Variants in RARB observed in about 807,000 individuals in gnomAD.
RARB encodes retinoic acid receptor beta.
Under a neutral mutation model 51.9 loss-of-function variants are expected in RARB, and 17 were observed. The observed-to-expected ratio is 0.33, with a 90% confidence interval of 0.22 to 0.49. RARB has a LOEUF of 0.49. RARB is among the 20% of genes least tolerant of loss of function. The pLI is 0.99. For missense variants in RARB, 369 were observed against 550.8 expected (o/e 0.67, Z 3.30); for synonymous variants, 215 against 195.4 (o/e 1.10, Z -0.84).
intron 5 of RARB, among the ~76,000 whole-genome samples, chr3:25,397,663 C>A (rs6799176): frequency 0.14 from 20,752 of 152,102 alleles, 1,698 homozygotes; most frequent in African/African-American, 0.23. Flanking sequence ...TTGAGTATCC[C>A]TTCTGTTCCA....
chr3:25,316,174 G>C (rs918032254), intron 5 of RARB, among the ~76,000 whole-genome samples: 4 of 152,136 alleles, frequency 2.6e-5, no homozygotes, highest in African/African-American at 9.7e-5. Context: ...CCCACAGGTT[G>C]ATCTGAGGAC....
chr3:25,348,392 C>T (rs1427740560), intron 5 of RARB, among the ~76,000 whole-genome samples: 2 of 124,794 alleles, frequency 1.6e-5, no homozygotes, highest in African/African-American at 3.1e-5. Context: ...TGGTGTGATT[C>T]GGAAGAGATT....
intron 2 of RARB, among the ~76,000 whole-genome samples, chr3:25,484,418 A>G (rs1359871001): frequency 6.6e-6 from 1 of 152,110 alleles, no homozygotes; most frequent in Admixed American, 6.5e-5. Flanking sequence ...TGAGAGAGTG[A>G]GAAAGAGACC....
intron 2 of RARB, among the ~76,000 whole-genome samples, chr3:24,956,848 G>T (rs148552982): frequency 5.3e-4 from 80 of 152,318 alleles, no homozygotes; most frequent in Admixed American, 3.5e-3. Flanking sequence ...TTATTGGAAA[G>T]TTCCTTGGGT....
intron 2 of RARB, among the ~76,000 whole-genome samples, chr3:24,975,436 C>T (rs1696489756): frequency 6.6e-6 from 1 of 152,112 alleles, no homozygotes; most frequent in Non-Finnish European, 1.5e-5. Flanking sequence ...CTTCAAAGAG[C>T]TTACATTCTA....
intron 4 of RARB, among the ~76,000 whole-genome samples, chr3:25,162,417 A>G (rs777840164): frequency 6.6e-6 from 1 of 152,188 alleles, no homozygotes; most frequent in Non-Finnish European, 1.5e-5. Context: ...CATTCTTTTT[A>G]AATTATCAAG....
chr3:25,013,619 G>A (rs906526575), intron 2 of RARB, among the ~76,000 whole-genome samples: 1 of 151,950 alleles, frequency 6.6e-6, no homozygotes, highest in Non-Finnish European at 1.5e-5. Context: ...GTCATTATAG[G>A]AAAACAAACA....
chr3:25,003,912 G>A (rs1229823129), intron 2 of RARB, among the ~76,000 whole-genome samples: 1 of 152,114 alleles, frequency 6.6e-6, no homozygotes, highest in Non-Finnish European at 1.5e-5. Context: ...CTTTTTCCTG[G>A]CCATGTGATT....
chr3:24,859,977 A>AG (rs140936146), intron 2 of RARB, among the ~76,000 whole-genome samples: 1 of 152,186 alleles, frequency 6.6e-6, no homozygotes, highest in Admixed American at 6.5e-5. Flanking sequence ...ACAAAAAAAA[A>AG]TGGGTGGAAG....
At chr3:25,387,749 T>C (rs1212407511) in intron 5 of RARB, among the ~76,000 whole-genome samples, 1 of 152,126 alleles carries the variant, frequency 6.6e-6, no homozygotes, top group African/African-American at 2.4e-5. Flanking sequence ...GCAATGTCTT[T>C]GTTCGACCCT....
At chr3:25,360,354 G>A (rs1207984728) in intron 5 of RARB, among the ~76,000 whole-genome samples, 4 of 151,790 alleles carry the variant, frequency 2.6e-5, no homozygotes, top group Non-Finnish European at 5.9e-5. Context: ...CCTTTATTTT[G>A]AGCCTATGTG....
At chr3:25,193,078 G>A (rs1351165342) in intron 5 of RARB, among the ~76,000 whole-genome samples, 1 of 152,052 alleles carries the variant, frequency 6.6e-6, no homozygotes, top group Non-Finnish European at 1.5e-5. Context: ...TTGAGTTACA[G>A]GCATGAGGGC....
At chr3:25,593,327 T>C (rs1701688057) in intron 5 of RARB, among the ~76,000 whole-genome samples, 176 bp from the exon 6 acceptor site, 1 of 152,168 alleles carries the variant, frequency 6.6e-6, no homozygotes, top group Non-Finnish European at 1.5e-5. Flanking sequence ...AGCCCCTGGG[T>C]TTTGACTTCT....
intron 3 of RARB, among the ~76,000 whole-genome samples, chr3:25,072,919 C>A (rs1160542871): frequency 6.6e-6 from 1 of 151,968 alleles, no homozygotes; most frequent in African/African-American, 2.4e-5. Context: ...ACCATGGTCT[C>A]GATCTCCTGA....
chr3:25,044,741 T>G (rs1414293958), intron 2 of RARB, among the ~76,000 whole-genome samples: 1 of 152,244 alleles, frequency 6.6e-6, no homozygotes, highest in African/African-American at 2.4e-5. Context: ...AGTATCTTTC[T>G]AATATTACTG....
chr3:25,203,421 G>A (rs1407951262), intron 5 of RARB, among the ~76,000 whole-genome samples: 2 of 152,146 alleles, frequency 1.3e-5, no homozygotes, highest in Admixed American at 6.5e-5. Context: ...GGAGCATTTA[G>A]CCCATTTACA....
At chr3:25,113,279 C>T (rs1320554293) in intron 3 of RARB, among the ~76,000 whole-genome samples, 1 of 152,040 alleles carries the variant, frequency 6.6e-6, no homozygotes, top group Non-Finnish European at 1.5e-5. Flanking sequence ...CATTCTGTTC[C>T]CAGTTTCTCT....
At chr3:25,372,582 G>A (rs1052443452) in intron 5 of RARB, among the ~76,000 whole-genome samples, 2 of 152,212 alleles carry the variant, frequency 1.3e-5, no homozygotes, top group Non-Finnish European at 2.9e-5. Flanking sequence ...AGCACTTTGG[G>A]AGGCTGAAGC....
chr3:25,363,473 C>G (rs920723993), intron 5 of RARB, among the ~76,000 whole-genome samples: 1 of 152,162 alleles, frequency 6.6e-6, no homozygotes, highest in Non-Finnish European at 1.5e-5. Context: ...TTGATGGCAA[C>G]TTCATCTTTC....
Sources: allele counts gnomAD v4.1 joint callset (sites outside exome capture counted in the v4.1 genomes callset), GRCh38; gene constraint gnomAD v4.1.1; transcripts MANE v1.5; gene names NCBI Gene and HGNC (gene_info 2026-07-23, HGNC 2026-07-21).